The following SDHB variants were observed in gnomAD, a reference collection of about 807,000 sequenced individuals.
SDHB encodes succinate dehydrogenase [ubiquinone] iron-sulfur subunit, mitochondrial.
Under a neutral mutation model 39.7 loss-of-function variants are expected in SDHB, and 21 were observed. The observed-to-expected ratio is 0.53, with a 90% CI of 0.37 to 0.76. The LOEUF (loss-of-function observed/expected upper bound fraction) is 0.76. Among genes scored for constraint, SDHB ranks in the 30% least tolerant of loss-of-function variants. The pLI, the probability that SDHB is intolerant of heterozygous loss-of-function variation, is 0.00. For synonymous variants in SDHB, 118 were observed against 117.0 expected, an observed-to-expected ratio of 1.01 and a Z score of -0.06; for missense variants, 343 against 350.9, an observed-to-expected ratio of 0.98 and a Z score of 0.18.
At chr1:17,021,867 G>A (rs2077963817) in intron 7 of SDHB, among the ~76,000 whole-genome samples, 3 of 152,356 alleles carry the variant, frequency 2.0e-5, no homozygotes, top group Non-Finnish European at 2.9e-5. Context: ...AGAGCTGTGC[G>A]TCAAATAAAC....
At chr1:17,045,642 C>A (rs2078105115) in intron 1 of SDHB, among the ~76,000 whole-genome samples, 2 of 152,014 alleles carry the variant, frequency 1.3e-5, no homozygotes, top group Non-Finnish European at 2.9e-5. Flanking sequence ...AAAGACTATA[C>A]TCCAGGACTG....
chr1:17,040,645 A>G (rs998996756), intron 2 of SDHB, among the ~76,000 whole-genome samples: 1 of 152,026 alleles, frequency 6.6e-6, no homozygotes, highest in Non-Finnish European at 1.5e-5. Context: ...AAATTTTTTT[A>G]GTAGAGACAA....
intron 3 of SDHB, chr1:17,032,775 G>GC: frequency 2.1e-6 from 1 of 476,672 alleles, no homozygotes; most frequent in South Asian, 2.1e-5. Context: ...GTGCCAGCCA[G>GC]CAGGTCCTAG....
intron 1 of SDHB, among the ~76,000 whole-genome samples, chr1:17,051,332 C>G (rs1456749031): frequency 6.6e-6 from 1 of 152,136 alleles, no homozygotes; most frequent in Non-Finnish European, 1.5e-5. Flanking sequence ...ATAATTTAAG[C>G]AAGGTAAGCA....
In SDHB at chr1:17,051,030, A is replaced by G. The variant is rs191531331; in HGVS notation, c.72+2918T>C. ...ACAGGTCACTTGATTCAAAAATCCA[A>G]CCTTTTAGCCATTATAACCAGTGGT... On this transcript the variant is annotated intron_variant, in intron 1 of 7. Coordinates refer to ENST00000375499, the MANE Select transcript of SDHB (RefSeq NM_003000.3). 3.7e-3 allele frequency among the ~76,000 whole-genome samples: 570 copies of G among 152,356 alleles called. 3 individuals carry two copies. The highest frequency in any genetic ancestry group is 6.7e-3 in the Non-Finnish European group (457 of 68,042).
At chr1:17,049,127 G>A (rs2078129866) in intron 1 of SDHB, among the ~76,000 whole-genome samples, 1 of 152,092 alleles carries the variant, frequency 6.6e-6, no homozygotes, top group Non-Finnish European at 1.5e-5. Context: ...AGCCTCCCAA[G>A]TAGCTGGGAC....
At chr1:17,022,993 C>A (rs909120487) in intron 6 of SDHB, 1 of 429,680 alleles carries the variant, frequency 2.3e-6, no homozygotes, top group Non-Finnish European at 4.4e-6. Flanking sequence ...GGTATCATCT[C>A]CTAATTATTT....
chr1:17,049,248 C>T (rs926397265), intron 1 of SDHB, among the ~76,000 whole-genome samples: 2 of 152,146 alleles, frequency 1.3e-5, no homozygotes, highest in Non-Finnish European at 2.9e-5. Flanking sequence ...ATCTCAGCCT[C>T]CCAAAGTGTT....
chr1:17,028,875 T>C, intron 3 of SDHB, 139 bp from the exon 4 acceptor site: 1 of 1,059,212 alleles, frequency 9.4e-7, no homozygotes, highest in Non-Finnish European at 1.4e-6. Context: ...AGGTGCCTGT[T>C]GGCTTTTCTC....
chr1:17,042,666 TACTC>T (rs1158498749), intron 2 of SDHB, among the ~76,000 whole-genome samples: 1 of 151,992 alleles, frequency 6.6e-6, no homozygotes, highest in Non-Finnish European at 1.5e-5. Flanking sequence ...TAGTCCCAGT[TACTC>T]AGGAGGATGA....
chr1:17,033,223 C>A (rs2078033052), intron 2 of SDHB, 78 bp from the exon 3 acceptor site: 1 of 1,117,920 alleles, frequency 8.9e-7, no homozygotes, highest in Non-Finnish European at 1.4e-6. Context: ...ATCGGAGACA[C>A]CTGGATGTAT....
chr1:17,036,366 A>G (rs569086594), intron 2 of SDHB, among the ~76,000 whole-genome samples: 18 of 152,000 alleles, frequency 1.2e-4, no homozygotes, highest in African/African-American at 4.1e-4. Flanking sequence ...GATGGAGTGC[A>G]GTGTTGTGAT....
At chr1:17,049,257 T>C (rs941801801) in intron 1 of SDHB, among the ~76,000 whole-genome samples, 1 of 152,012 alleles carries the variant, frequency 6.6e-6, no homozygotes, top group Non-Finnish European at 1.5e-5. Flanking sequence ...TCCCAAAGTG[T>C]TGGGATTACA....
chr1:17,022,622 T>C lies in SDHB; in HGVS notation c.751A>G (p.Arg251Gly). Residue 251 changes from arginine (R) to glycine (G), a missense_variant, in exon 7 of 8, where the codon AGG (arginine) becomes GGG (glycine). Physicochemically the swap from Arg to Gly is moderately radical, Grantham distance 125. Transcript: ENST00000375499. ...YRCHTIMNCT[R>G]TCPKGLNPGK... is the part of the protein sequence containing the mutation. ...GCCCCACGTACCTTAGGACAGGTCCTTGTGCAGTTCATGATGGTGTGGCAG... is the reference window on the plus strand; with the variant it reads ...GCCCCACGTACCTTAGGACAGGTCCCTGTGCAGTTCATGATGGTGTGGCAG... 1 of 1,613,994 alleles carries C rather than the reference T, an allele frequency of 6.2e-7. No individual in the cohort carries two copies. Among genetic ancestry groups the C allele is most frequent in the Non-Finnish European group, 8.5e-7 (1 of 1,179,886 alleles).
intron 2 of SDHB, among the ~76,000 whole-genome samples, chr1:17,038,678 T>A (rs907582663): frequency 6.6e-5 from 10 of 152,234 alleles, no homozygotes; most frequent in Non-Finnish European, 1.3e-4. Flanking sequence ...CAATAAAGTA[T>A]GCTATTAGCT....
chr1:17,053,818 C>CA, intron 1 of SDHB, 130 bp downstream of exon 1: 1 of 736,952 alleles, frequency 1.4e-6, no homozygotes, highest in Non-Finnish European at 2.5e-6. Flanking sequence ...AGCACTGCAC[C>CA]AGGGGGAGGA....
chr1:17,044,275 T>C (rs949835004), intron 2 of SDHB, among the ~76,000 whole-genome samples: 1 of 152,214 alleles, frequency 6.6e-6, no homozygotes, highest in African/African-American at 2.4e-5. Flanking sequence ...TGTCATACTT[T>C]CATTTGGGAA....
rs2101513893 is a variant in SDHB, at chr1:17,022,689, C to T, written c.684G>A (p.Glu228=). Residue 228 remains glutamate (E), a synonymous_variant, in exon 7 of 8, where the codon GAG becomes GAA. Transcript: ENST00000375499. ...GGTCCTGCAGCTTGGCCAGGCGCTCCTCTGTGAAGTCATCTCTGGAGTCAA... is the reference window on the plus strand; with the variant it reads ...GGTCCTGCAGCTTGGCCAGGCGCTCTTCTGTGAAGTCATCTCTGGAGTCAA... ...WMIDSRDDFT[E]ERLAKLQDPF... is the part of the protein sequence containing the mutation. 6.2e-7 allele frequency: 1 copy of T among 1,613,964 alleles called. No homozygotes were observed. Among genetic ancestry groups the T allele is most frequent in the Non-Finnish European group, 8.5e-7 (1 of 1,179,896 alleles).
chr1:17,047,867 A>G lies in SDHB; in HGVS notation c.73-2979T>C, dbSNP rs111438879. On this transcript the variant is annotated intron_variant, in intron 1 of 7. Coordinates refer to ENST00000375499, the MANE Select transcript of SDHB (RefSeq NM_003000.3). ...TTTTTTTACATTTATTTTTGTAGAG[A>G]TAGGGGTCTCACTGTGTTGCCTAGG... Among the ~76,000 whole-genome samples, 391 of 152,108 alleles carry G rather than the reference A, an allele frequency of 2.6e-3. 1 individual carries two copies. The highest frequency in any genetic ancestry group is 9.1e-3 in the African/African-American group (377 of 41,496).
Sources: gnomAD v4.1 joint callset for allele counts (sites outside exome capture counted in the v4.1 genomes callset) on GRCh38, gnomAD v4.1.1 for gene constraint, MANE v1.5 for transcripts, NCBI Gene and HGNC (gene_info 2026-07-23, HGNC 2026-07-21) for gene names.